NSMCE2: variants seen among roughly 807,000 people sequenced by gnomAD.
NSMCE2 encodes NSE2 SUMO ligase component of SMC5/6 complex.
In NSMCE2, 24 loss-of-function variants were observed where a neutral mutation model predicts 23.8. That is an observed-to-expected ratio of 1.01 (90% CI 0.73 to 1.42). The LOEUF (loss-of-function observed/expected upper bound fraction) is 1.42. Among genes scored for constraint, NSMCE2 ranks in the 40% most tolerant of loss-of-function variants. The probability of loss-of-function intolerance (pLI) is 0.00; values close to 1 mark genes in which losing one functional copy is unlikely to be tolerated. For missense variants in NSMCE2, 284 were observed against 296.5 expected (o/e 0.96, Z 0.31); for synonymous variants, 92 against 94.1 (o/e 0.98, Z 0.13).
At chr8:125,245,963 G>T (rs796717846) in intron 5 of NSMCE2, among the ~76,000 whole-genome samples, 64 of 152,156 alleles carry the variant, frequency 4.2e-4, no homozygotes, top group African/African-American at 1.5e-3. Context: ...GGCAGAGGTT[G>T]CAGTGAGCCG....
chr8:125,267,588 T>A (rs1001966256), intron 5 of NSMCE2, among the ~76,000 whole-genome samples: 2 of 151,994 alleles, frequency 1.3e-5, no homozygotes, highest in African/African-American at 4.8e-5. Flanking sequence ...GAATTCAGGA[T>A]CAACCTGGGC....
At chr8:125,250,127 C>G (rs144290852) in intron 5 of NSMCE2, among the ~76,000 whole-genome samples, 4 of 152,068 alleles carry the variant, frequency 2.6e-5, no homozygotes, top group African/African-American at 9.7e-5. Context: ...GTAGCTGGTA[C>G]TACAGTCATG....
intron 5 of NSMCE2, among the ~76,000 whole-genome samples, chr8:125,308,656 G>T (rs997988014): frequency 6.6e-6 from 1 of 152,096 alleles, no homozygotes; most frequent in Non-Finnish European, 1.5e-5. Context: ...GGGGCCACAC[G>T]ATACAAAGGT....
chr8:125,290,228 T>C (rs1828055715), intron 5 of NSMCE2, among the ~76,000 whole-genome samples: 1 of 152,064 alleles, frequency 6.6e-6, no homozygotes, highest in South Asian at 2.1e-4. Context: ...AAGTAGAATA[T>C]GTTAAAATCA....
chr8:125,283,799 C>T (rs1827785789), intron 5 of NSMCE2, among the ~76,000 whole-genome samples: 1 of 152,178 alleles, frequency 6.6e-6, no homozygotes, highest in Middle Eastern at 3.2e-3. Context: ...CCCATTTTGC[C>T]TCTTTGTTTC....
chr8:125,181,700 CA>C (rs72131110), intron 4 of NSMCE2, among the ~76,000 whole-genome samples: 3,714 of 131,618 alleles, frequency 0.028, 125 homozygotes, highest in African/African-American at 0.085. Context: ...GGTGGAGGGC[CA>C]AAAAAAAAAA....
intron 5 of NSMCE2, among the ~76,000 whole-genome samples, chr8:125,245,468 T>C (rs1825920993): frequency 6.6e-6 from 1 of 152,128 alleles, no homozygotes; most frequent in African/African-American, 2.4e-5. Context: ...ATTCACAAGT[T>C]AATGGCAAGA....
chr8:125,286,873 A>G (rs1298044157), intron 5 of NSMCE2, among the ~76,000 whole-genome samples: 3 of 151,758 alleles, frequency 2.0e-5, no homozygotes, highest in Admixed American at 6.6e-5. Context: ...TAAGAAAATC[A>G]TATGTGTGTG....
chr8:125,155,910 G>A, intron 4 of NSMCE2: 1 of 439,384 alleles, frequency 2.3e-6, no homozygotes, highest in Non-Finnish European at 4.5e-6. Flanking sequence ...GAAAATGATG[G>A]GAATGTAGCT....
chr8:125,247,507 C>G (rs1417339583), intron 5 of NSMCE2, among the ~76,000 whole-genome samples: 1 of 151,858 alleles, frequency 6.6e-6, no homozygotes, highest in Non-Finnish European at 1.5e-5. Context: ...GGTGGATTAC[C>G]TGAGGTCAGC....
chr8:125,321,836 C>T (rs1829470913), intron 5 of NSMCE2, among the ~76,000 whole-genome samples: 1 of 152,048 alleles, frequency 6.6e-6, no homozygotes, highest in African/African-American at 2.4e-5. Context: ...ACATGATAGT[C>T]AGTTTTTGTT....
intron 5 of NSMCE2, among the ~76,000 whole-genome samples, chr8:125,196,162 G>C (rs545257461): frequency 6.6e-6 from 1 of 150,752 alleles, no homozygotes; most frequent in South Asian, 2.1e-4. Context: ...GGGATCACAG[G>C]CATCAGCCAC....
intron 5 of NSMCE2, among the ~76,000 whole-genome samples, chr8:125,224,814 A>G (rs539004381): frequency 5.3e-4 from 80 of 152,348 alleles, no homozygotes; most frequent in Admixed American, 9.2e-4. Context: ...GCAATTTGCC[A>G]AACTTTATAT....
At chr8:125,166,380 C>T (rs1197314714) in intron 4 of NSMCE2, among the ~76,000 whole-genome samples, 1 of 152,098 alleles carries the variant, frequency 6.6e-6, no homozygotes, top group Non-Finnish European at 1.5e-5. Flanking sequence ...GATTCTTGCG[C>T]CTCAGCCTCC....
intron 5 of NSMCE2, among the ~76,000 whole-genome samples, chr8:125,216,611 G>T (rs1204935419): frequency 6.6e-6 from 1 of 150,686 alleles, no homozygotes; most frequent in East Asian, 1.9e-4. Context: ...TCCAGCCTGG[G>T]CAACAAGAGC....
intron 4 of NSMCE2, among the ~76,000 whole-genome samples, chr8:125,171,394 C>G (rs991284716): frequency 6.6e-6 from 1 of 152,140 alleles, no homozygotes; most frequent in Admixed American, 6.5e-5. Flanking sequence ...ATATAACAGA[C>G]CTGCTAATGC....
chr8:125,273,172 A>T (rs2086363800), intron 5 of NSMCE2, among the ~76,000 whole-genome samples: 1 of 152,142 alleles, frequency 6.6e-6, no homozygotes, highest in Admixed American at 6.5e-5. Context: ...GGTAAATTCA[A>T]CTGTTGAGGT....
chr8:125,286,774 C>CAAAAAAAAAAAAA, intron 5 of NSMCE2, among the ~76,000 whole-genome samples: 1 of 131,628 alleles, frequency 7.6e-6, no homozygotes, highest in Non-Finnish European at 1.6e-5. Context: ...AAGCCTAGAG[C>CAAAAAAAAAAAAA]AAAAAAAAAA....
intron 5 of NSMCE2, among the ~76,000 whole-genome samples, chr8:125,207,964 C>A (rs1824180503): frequency 6.6e-6 from 1 of 152,190 alleles, no homozygotes; most frequent in African/African-American, 2.4e-5. Flanking sequence ...AAAGAAATTA[C>A]AAGGCAGCCC....
Sources: gnomAD v4.1 joint callset for allele counts (sites outside exome capture counted in the v4.1 genomes callset) on GRCh38, gnomAD v4.1.1 for gene constraint, MANE v1.5 for transcripts, NCBI Gene and HGNC (gene_info 2026-07-23, HGNC 2026-07-21) for gene names.